The following ZNF709 variants were observed in gnomAD, a reference collection of about 807,000 sequenced individuals.
The protein encoded by ZNF709 is zinc finger protein 709.
Under a neutral mutation model 10.6 loss-of-function variants are expected in ZNF709, and 15 were observed. The observed-to-expected ratio is 1.41, with a 90% CI of 0.95 to 2.18. The LOEUF (loss-of-function observed/expected upper bound fraction) is 2.18. Ranked by LOEUF, ZNF709 falls within the 30% of genes most tolerant of loss-of-function variation. ZNF709 has a pLI of 0.00. For missense variants in ZNF709, 589 were observed against 774.0 expected (o/e 0.76, Z 2.84); for synonymous variants, 194 against 238.8 (o/e 0.81, Z 1.73).
In ZNF709 at chr19:12,465,694, A is replaced by G. The variant is rs1266386079; in HGVS notation, c.228T>C (p.Gly76=). ...GACTGATGGTTTCTCCAAACTGACT[A>G]CCTTCTTTCCTTTCACAGAGCCTCT... ...MVERLCERKE[G]SQFGETISQT... is the part of the protein sequence containing the mutation. The change falls in exon 4 of 4, where the codon GGT becomes GGC. Residue 76 remains glycine (G), a synonymous_variant. Coordinates refer to ENST00000397732, the MANE Select transcript of ZNF709 (RefSeq NM_152601.4). The G allele has an allele frequency of 2.5e-6, 4 of 1,602,408 alleles. No homozygotes were observed. The highest frequency in any genetic ancestry group is 3.4e-6 in the Non-Finnish European group (4 of 1,176,110).
rs942668454 is a variant in ZNF709 at position 12,462,207 on chromosome 19, T to C, written c.*1789A>G. On this transcript the variant is annotated 3_prime_UTR_variant, in exon 4 of 4. Transcript: ENST00000397732. ...TTGGCAGAGCAAAGGATCAGGACAA[T>C]GTGGTGGAAGCAGGTGTCCCTGAAG... 1.2e-4 allele frequency: 18 copies of C among 152,204 alleles called. No individual in the cohort carries two copies. Among genetic ancestry groups the C allele is most frequent in the African/African-American group, 4.3e-4 (18 of 41,438 alleles). 9.4% of individuals were successfully genotyped at this position (152,204 alleles called of 1,614,324 possible).
intron 1 of ZNF709, chr19:12,481,194 G>A (rs1216592625): frequency 4.1e-6 from 4 of 984,254 alleles, no homozygotes; most frequent in Non-Finnish European, 4.8e-6. Context: ...AGGTTCTCTT[G>A]CCTAAAAGAA....
chr19:12,482,156 A>AAAC (rs1970734147), intron 1 of ZNF709, among the ~76,000 whole-genome samples: 7 of 128,450 alleles, frequency 5.4e-5, no homozygotes, highest in East Asian at 2.6e-4. Flanking sequence ...CACACACACA[A>AAAC]ACACACACAC....
rs1970541860 is a variant in ZNF709 at position 12,464,117 on chromosome 19, G to C, written c.1805C>G (p.Ser602Cys). ...QCDKAFSCSR[S>C]FRIHERTHTG... is the part of the protein sequence containing the mutation. Reference sequence around the variant, plus strand: ...GTGAGTTCGTTCATGGATTCGAAAGGAACGTGAGCAACTGAAGGCTTTGTC... The same window carrying C: ...GTGAGTTCGTTCATGGATTCGAAAGCAACGTGAGCAACTGAAGGCTTTGTC... The change falls in exon 4 of 4, where the codon TCC (serine) becomes TGC (cysteine). Residue 602 changes from serine (S) to cysteine (C), a missense_variant. Around this residue, in one of 2 missense-constraint regions of ZNF709, gnomAD observed 171 missense variants for 277.7 expected, o/e 0.62. Transcript: ENST00000397732. 6.4e-7 allele frequency: 1 copy of C among 1,565,056 alleles called. No individual in the cohort carries two copies. Among genetic ancestry groups the C allele is most frequent in the Admixed American group, 2.0e-5 (1 of 50,630 alleles).
intron 1 of ZNF709, among the ~76,000 whole-genome samples, chr19:12,471,267 T>A (rs1307570405): frequency 6.6e-6 from 1 of 152,154 alleles, no homozygotes; most frequent in Non-Finnish European, 1.5e-5. Flanking sequence ...AATCCTAATT[T>A]TAAAAATGTT....
At chr19:12,475,431 A>G (rs1025605502) in intron 1 of ZNF709, among the ~76,000 whole-genome samples, 2 of 152,166 alleles carry the variant, frequency 1.3e-5, no homozygotes. Flanking sequence ...TGTATGGTTA[A>G]GCTAACTGAA....
At position 12,464,718 on chromosome 19, in the gene ZNF709, T is replaced by C. The variant is rs1476472698; in HGVS notation, c.1204A>G (p.Ser402Gly). Residue 402 changes from serine (S) to glycine (G), a missense_variant, in exon 4 of 4, where the codon AGT becomes GGT. Around this residue, in one of 2 missense-constraint regions of ZNF709, gnomAD observed 418 missense variants for 496.3 expected, o/e 0.84. Transcript: ENST00000397732. Reference protein sequence around the residue: ...YECKQCGKAFSCSSSFRMHER... With the variant: ...YECKQCGKAFGCSSSFRMHER... Reference sequence around the variant, plus strand: ...TGCATTCGAAAGGAACTGGAACAACTGAAGGCTTTACCACACTGTTTACAT... The same window carrying C: ...TGCATTCGAAAGGAACTGGAACAACCGAAGGCTTTACCACACTGTTTACAT... 5 of 1,613,682 alleles carry C rather than the reference T, an allele frequency of 3.1e-6. No homozygotes were observed.
chr19:12,480,150 G>GT (rs1002022169), intron 1 of ZNF709, among the ~76,000 whole-genome samples: 1 of 150,986 alleles, frequency 6.6e-6, no homozygotes, highest in Non-Finnish European at 1.5e-5. Context: ...GCGAGACCCT[G>GT]TTTTTTAAAA....
chr19:12,468,651 C>T, intron 1 of ZNF709, among the ~76,000 whole-genome samples: 1 of 146,466 alleles, frequency 6.8e-6, no homozygotes, highest in Non-Finnish European at 1.5e-5. Context: ...TATGACCCTG[C>T]CAAATCCCCC....
chr19:12,462,892 C>G lies in ZNF709; in HGVS notation c.*1104G>C, dbSNP rs368292525. 13 of 152,314 alleles carry G rather than the reference C, an allele frequency of 8.5e-5. No individual in the cohort carries two copies. The highest frequency in any genetic ancestry group is 3.1e-4 in the African/African-American group (13 of 41,572). The allele number at this position is 152,314 out of a possible 1,614,324, so 9.4% of individuals were successfully genotyped here. ...AACTGATTTAATGAAAAAATACTAT[C>G]AATTCAACTTGTGTACAACTGTATA... On this transcript the variant is annotated 3_prime_UTR_variant, in exon 4 of 4. Transcript: ENST00000397732.
At chr19:12,467,915 C>A (rs1422659516) in intron 1 of ZNF709, among the ~76,000 whole-genome samples, 7 of 151,930 alleles carry the variant, frequency 4.6e-5, no homozygotes, top group African/African-American at 1.7e-4. Context: ...CGGCAGCCAC[C>A]CCATCCGGGA....
At chr19:12,477,376 A>G (rs1169724577) in intron 1 of ZNF709, among the ~76,000 whole-genome samples, 1 of 152,212 alleles carries the variant, frequency 6.6e-6, no homozygotes, top group Non-Finnish European at 1.5e-5. Context: ...GCCAGTTTGT[A>G]AGTGCCAAAG....
intron 1 of ZNF709, among the ~76,000 whole-genome samples, chr19:12,469,914 C>T (rs1004317497): frequency 2.6e-5 from 4 of 152,248 alleles, no homozygotes; most frequent in South Asian, 4.1e-4. Context: ...TGAGACTTAA[C>T]GAATTTGAGT....
At position 12,464,225 on chromosome 19, in the gene ZNF709, C is replaced by G; in HGVS notation, c.1697G>C (p.Gly566Ala). The G allele has an allele frequency of 6.3e-7, 1 of 1,590,136 alleles. No individual in the cohort carries two copies. Among genetic ancestry groups the G allele is most frequent in the Non-Finnish European group, 8.5e-7 (1 of 1,169,768 alleles). ...GEKPYECKQC[G>A]KAFSCSSSVR... ...AGAACTAGAACAACTGAAGGCCTTA[C>G]CACATTGTTTACACTCATAAGGTTT... Residue 566 changes from glycine to alanine, a missense_variant, in exon 4 of 4, where the codon GGT becomes GCT. Coordinates refer to ENST00000397732, the MANE Select transcript of ZNF709 (RefSeq NM_152601.4).
In ZNF709 at chr19:12,482,181, A is replaced by G. The variant is rs563583297; in HGVS notation, c.3+2474T>C. Among the ~76,000 whole-genome samples the G allele has an allele frequency of 3.3e-5, 5 of 150,956 alleles. No individual in the cohort carries two copies. In the East Asian group the frequency reaches 9.9e-4, roughly 30 times the overall value. ...AACACACACACACACACACACACAC[A>G]CACGCTCCCTCTCCCTCTCCCTCTC... On this transcript the variant is annotated intron_variant, in intron 1 of 3. Transcript: ENST00000397732.
chr19:12,464,925 C>T lies in ZNF709; in HGVS notation c.997G>A (p.Glu333Lys). Residue 333 changes from glutamate to lysine, a missense_variant, in exon 4 of 4, where the codon GAG (glutamate) becomes AAG (lysine). Transcript: ENST00000397732. ...FRKHERIHTG[E>K]KPYDCKECGK... is the part of the protein sequence containing the mutation. ...CATTCCTTACAATCATAGGGTTTCT[C>T]TCCTGTATGAATTCTTTCATGTTTT... 1 of 1,608,162 alleles carries T rather than the reference C, an allele frequency of 6.2e-7. No homozygotes were observed. Among genetic ancestry groups the T allele is most frequent in the Non-Finnish European group, 8.5e-7 (1 of 1,178,284 alleles).
chr19:12,477,461 G>A (rs1970686374), intron 1 of ZNF709, among the ~76,000 whole-genome samples: 1 of 152,068 alleles, frequency 6.6e-6, no homozygotes, highest in Non-Finnish European at 1.5e-5. Flanking sequence ...TAGGACACTG[G>A]GTGCCATGAA....
Position 12,465,647 on chromosome 19 carries a change from T to C in ZNF709, c.275A>G (p.Asn92Ser). Residue 92 changes from asparagine to serine, a missense_variant, in exon 4 of 4, where the codon AAC becomes AGC. Asn to Ser is a conservative substitution (Grantham distance 46). Coordinates refer to ENST00000397732, the MANE Select transcript of ZNF709 (RefSeq NM_152601.4). ...TTTTACTCTAGTAAAAGTTTTCTTG[T>C]TTGGTTTAGGATTTGGAGTCTGACT... is the stretch of plus-strand genomic sequence containing the variant. ...TISQTPNPKP[N>S]KKTFTRVKPY... 6.2e-7 allele frequency: 1 copy of C among 1,613,118 alleles called. No individual in the cohort carries two copies. Among genetic ancestry groups the C allele is most frequent in the Non-Finnish European group, 8.5e-7 (1 of 1,179,812 alleles).
intron 1 of ZNF709, among the ~76,000 whole-genome samples, chr19:12,470,667 G>A (rs1970627342): frequency 6.6e-6 from 1 of 151,972 alleles, no homozygotes; most frequent in Admixed American, 6.6e-5. Flanking sequence ...AGTGGCTCAC[G>A]CTGTAATCCC....
Sources: gnomAD v4.1 joint callset for allele counts (sites outside exome capture counted in the v4.1 genomes callset) on GRCh38, gnomAD v4.1.1 for gene constraint, gnomAD v4.1.1 regional missense constraint, MANE v1.5 for transcripts, NCBI Gene and HGNC (gene_info 2026-07-23, HGNC 2026-07-21) for gene names.